Variants in DPP10 observed in about 807,000 individuals in gnomAD.
DPP10 encodes dipeptidyl peptidase like 10.
DPP10 carries 33 observed loss-of-function variants against 120.9 expected under a neutral mutation model. That is an observed-to-expected ratio of 0.27 (90% confidence interval 0.21 to 0.37). The LOEUF (loss-of-function observed/expected upper bound fraction) is 0.37, where lower values mean the gene tolerates loss of function less well. Ranked by LOEUF, DPP10 falls within the 10% of genes least tolerant of loss-of-function variation. The probability of loss-of-function intolerance (pLI) is 1.00; values close to 1 mark genes in which losing one functional copy is unlikely to be tolerated. For synonymous variants in DPP10, 337 were observed against 326.1 expected, an observed-to-expected ratio of 1.03 and a Z score of -0.36; for missense variants, 816 against 942.8, an observed-to-expected ratio of 0.87 and a Z score of 1.76.
intron 5 of DPP10, among the ~76,000 whole-genome samples, chr2:115,654,125 A>T (rs886726998): frequency 1.3e-5 from 2 of 151,820 alleles, no homozygotes; most frequent in Non-Finnish European, 2.9e-5. Context: ...ATTTTCTTGA[A>T]TCTAGGAATG....
chr2:114,700,550 T>G (rs746988050), intron 1 of DPP10, among the ~76,000 whole-genome samples: 1 of 152,070 alleles, frequency 6.6e-6, no homozygotes, highest in Non-Finnish European at 1.5e-5. Context: ...TTTCCCCAAT[T>G]TACATCCACA....
chr2:115,762,717 G>A, intron 12 of DPP10, 107 bp downstream of exon 12: 1 of 1,225,330 alleles, frequency 8.2e-7, no homozygotes, highest in African/African-American at 1.5e-5. Flanking sequence ...GCTTTGCTAG[G>A]TTTGACAGAG....
chr2:114,700,843 G>A (rs571507443), intron 1 of DPP10, among the ~76,000 whole-genome samples: 2 of 152,108 alleles, frequency 1.3e-5, no homozygotes, highest in South Asian at 4.2e-4. Context: ...ACTCCCTAAT[G>A]AGACTGTGAG....
chr2:115,561,307 T>TGA (rs2080650403), intron 5 of DPP10, among the ~76,000 whole-genome samples: 1 of 127,402 alleles, frequency 7.8e-6, no homozygotes, highest in African/African-American at 3.1e-5. Context: ...GGCAGTGAAC[T>TGA]GAGATCACAC....
At chr2:114,857,514 A>T (rs1298540032) in intron 1 of DPP10, among the ~76,000 whole-genome samples, 2 of 152,026 alleles carry the variant, frequency 1.3e-5, no homozygotes, top group African/African-American at 4.8e-5. Flanking sequence ...CTCCCAATTC[A>T]TGTTTCCCTT....
At chr2:114,561,192 C>G (rs1375850249) in intron 1 of DPP10, among the ~76,000 whole-genome samples, 1 of 152,174 alleles carries the variant, frequency 6.6e-6, no homozygotes, top group Non-Finnish European at 1.5e-5. Flanking sequence ...ACATGTCTGA[C>G]CTCTCCAAAT....
chr2:115,237,547 A>G (rs2058065113), intron 1 of DPP10, among the ~76,000 whole-genome samples: 2 of 152,198 alleles, frequency 1.3e-5, no homozygotes, highest in Admixed American at 6.5e-5. Flanking sequence ...AAAAGCAAGA[A>G]AAGATTAAGC....
chr2:115,090,904 G>A (rs939282584), intron 1 of DPP10, among the ~76,000 whole-genome samples: 2 of 152,130 alleles, frequency 1.3e-5, no homozygotes, highest in African/African-American at 4.8e-5. Flanking sequence ...GAATGTTTCT[G>A]GTCGGAGATG....
At chr2:115,693,722 G>T (rs935216933) in intron 7 of DPP10, among the ~76,000 whole-genome samples, 1 of 151,896 alleles carries the variant, frequency 6.6e-6, no homozygotes, top group East Asian at 1.9e-4. Flanking sequence ...AAAAATTATA[G>T]GTTCCCTGTT....
intron 1 of DPP10, among the ~76,000 whole-genome samples, chr2:114,644,346 G>GTGTGTGTGTGTGTGTC (rs1195202822): frequency 3.5e-5 from 5 of 142,728 alleles, no homozygotes; most frequent in African/African-American, 1.2e-4. Context: ...GTGTGTCTGT[G>GTGTGTGTGTGTGTGTC]TGTGTGTGTG....
chr2:115,465,262 AAC>A (rs1018998366), intron 3 of DPP10, among the ~76,000 whole-genome samples: 18 of 152,246 alleles, frequency 1.2e-4, no homozygotes, highest in African/African-American at 3.9e-4. Flanking sequence ...TTTCTTTTAA[AAC>A]ACACGGTTAT....
chr2:115,697,888 G>A (rs1236975994), intron 7 of DPP10, among the ~76,000 whole-genome samples: 2 of 152,146 alleles, frequency 1.3e-5, no homozygotes, highest in Non-Finnish European at 2.9e-5. Flanking sequence ...TGAAGGCTGA[G>A]GCAGAATGGC....
intron 1 of DPP10, among the ~76,000 whole-genome samples, chr2:114,566,792 C>T (rs1041942803): frequency 2.6e-5 from 4 of 152,202 alleles, no homozygotes; most frequent in African/African-American, 9.6e-5. Context: ...CTCAACCAAA[C>T]ATGTGTCCTT....
At chr2:114,749,200 T>A (rs1678942380) in intron 1 of DPP10, among the ~76,000 whole-genome samples, 1 of 149,782 alleles carries the variant, frequency 6.7e-6, no homozygotes, top group African/African-American at 2.5e-5. Context: ...CATAAATGTC[T>A]TCTTTTGAGA....
At chr2:115,663,765 G>A (rs1377552575) in intron 5 of DPP10, among the ~76,000 whole-genome samples, 1 of 152,168 alleles carries the variant, frequency 6.6e-6, no homozygotes, top group African/African-American at 2.4e-5. Context: ...GGGAGGCTGA[G>A]GCAGGCGGAT....
chr2:115,020,082 T>A (rs1320668335), intron 1 of DPP10, among the ~76,000 whole-genome samples: 1 of 151,902 alleles, frequency 6.6e-6, no homozygotes. Context: ...AAGAGTTATA[T>A]AACAATAACA....
chr2:115,162,765 C>A (rs192566830), intron 1 of DPP10, among the ~76,000 whole-genome samples: 2 of 152,206 alleles, frequency 1.3e-5, no homozygotes, highest in South Asian at 2.1e-4. Context: ...ACCCGCCAAC[C>A]CCTTTTTGTT....
intron 5 of DPP10, among the ~76,000 whole-genome samples, chr2:115,556,540 A>G (rs1030810876): frequency 6.6e-6 from 1 of 152,052 alleles, no homozygotes; most frequent in African/African-American, 2.4e-5. Context: ...CTGAAAATTG[A>G]CAGCAACATC....
At chr2:115,697,235 A>G (rs1048544438) in intron 7 of DPP10, among the ~76,000 whole-genome samples, 8 of 152,098 alleles carry the variant, frequency 5.3e-5, no homozygotes, top group African/African-American at 1.9e-4. Flanking sequence ...CCTTATCAGT[A>G]ATTACTTTAA....
Sources: allele counts gnomAD v4.1 joint callset (sites outside exome capture counted in the v4.1 genomes callset), GRCh38; gene constraint gnomAD v4.1.1; transcripts MANE v1.5; gene names NCBI Gene and HGNC (gene_info 2026-07-23, HGNC 2026-07-21).